Variants in ZNF808 observed in about 807,000 individuals in gnomAD.
ZNF808 encodes zinc finger protein 808.
Under a neutral mutation model 8.7 loss-of-function variants are expected in ZNF808, and 5 were observed. That is an observed-to-expected ratio of 0.58 (90% CI 0.30 to 1.21). The LOEUF is 1.21. Among genes scored for constraint, ZNF808 ranks in the 50% most tolerant of loss-of-function variants. ZNF808 has a pLI of 0.07. For missense variants in ZNF808, 1,103 were observed against 1,098.4 expected (o/e 1.00, Z -0.06); for synonymous variants, 380 against 366.0 (o/e 1.04, Z -0.44).
In ZNF808 at chr19:52,550,417, A is replaced by G. The variant is rs150619784; in HGVS notation, c.191-2690A>G. On this transcript the variant is annotated intron_variant, in intron 4 of 4. Coordinates refer to ENST00000359798, the MANE Select transcript of ZNF808 (RefSeq NM_001039886.4). ...GCCTAATTTTGTATTTTTAGTACAG[A>G]TGGGGTTTCCCCATGTTGGCTAGGC... 3.8e-3 allele frequency among the ~76,000 whole-genome samples: 580 copies of G among 152,152 alleles called. 4 individuals are homozygous for G. Among genetic ancestry groups the G allele is most frequent in the African/African-American group, 0.013 (551 of 41,504 alleles).
At chr19:52,560,589 TAAGAGA>T (rs1459601884), downstream of ZNF808, among the ~76,000 whole-genome samples, 1 of 152,182 alleles carries the variant, frequency 6.6e-6, no homozygotes, top group African/African-American at 2.4e-5. Context: ...CCATTTTACC[TAAGAGA>T]TGTAAAACTG....
At chr19:52,565,051 A>G (rs1221815530), downstream of ZNF808, among the ~76,000 whole-genome samples, 2 of 152,166 alleles carry the variant, frequency 1.3e-5, no homozygotes, top group Non-Finnish European at 2.9e-5. Flanking sequence ...GCACCACTGC[A>G]CTCTGGCCTG....
At chr19:52,548,094 G>A (rs990656771) in intron 4 of ZNF808, among the ~76,000 whole-genome samples, 3 of 152,166 alleles carry the variant, frequency 2.0e-5, no homozygotes, top group East Asian at 1.9e-4. Context: ...CTGTGACAAC[G>A]TTCATCCCAT....
At chr19:52,559,422 A>G (rs2059849457), downstream of ZNF808, among the ~76,000 whole-genome samples, 1 of 151,952 alleles carries the variant, frequency 6.6e-6, no homozygotes, top group Non-Finnish European at 1.5e-5. Context: ...CCCTCTCTCC[A>G]CTATTACCTT....
intron 4 of ZNF808, among the ~76,000 whole-genome samples, chr19:52,548,566 G>C (rs2059745295): frequency 2.0e-5 from 3 of 152,058 alleles, no homozygotes; most frequent in Admixed American, 2.0e-4. Context: ...GGGATTACAG[G>C]CATGTGTCAC....
In ZNF808 at chr19:52,543,177, C is replaced by T; in HGVS notation, c.-19-89C>T. The T allele has an allele frequency of 4.3e-6, 6 of 1,381,572 alleles. No homozygotes were observed. The Admixed American group carries it at 1.2e-4, about 27-fold the overall frequency. The allele number at this position is 1,381,572 out of a possible 1,614,324, so 85.6% of individuals were successfully genotyped here. On this transcript the variant is annotated intron_variant, in intron 2 of 4. Transcript: ENST00000359798. ...GTGGGCAGTGGGGGACTTCTTTCTA[C>T]AGGGTGACATCTCCCGGTTCATGTG...
rs756121264 is a variant in ZNF808 at position 52,554,163 on chromosome 19, G to A, written c.1247G>A (p.Arg416His). Reference protein sequence around the residue: ...KAFNHQSSLARHHILHTGEKP... With the variant: ...KAFNHQSSLAHHHILHTGEKP... Reference sequence around the variant, plus strand: ...TTTAATCATCAATCAAGCCTTGCACGTCATCATATACTTCATACTGGAGAG... The same window carrying A: ...TTTAATCATCAATCAAGCCTTGCACATCATCATATACTTCATACTGGAGAG... Residue 416 changes from arginine to histidine, a missense_variant, in exon 5 of 5, where the codon CGT (arginine) becomes CAT (histidine). By Grantham distance (29) the Arg-to-His change is conservative (BLOSUM62 0). Transcript: ENST00000359798. 9.9e-6 allele frequency: 16 copies of A among 1,613,934 alleles called. No individual in the cohort carries two copies. The highest frequency in any genetic ancestry group is 5.3e-5 in the African/African-American group (4 of 74,880).
downstream of ZNF808, among the ~76,000 whole-genome samples, chr19:52,567,306 G>A (rs1600057173): frequency 4.6e-5 from 7 of 151,942 alleles, no homozygotes; most frequent in South Asian, 1.5e-3. Context: ...TCAGCCCACT[G>A]GCAGGTAGAC....
At chr19:52,567,275 G>A (rs561285430), downstream of ZNF808, among the ~76,000 whole-genome samples, 1 of 152,026 alleles carries the variant, frequency 6.6e-6, no homozygotes, top group Non-Finnish European at 1.5e-5. Flanking sequence ...AATCAACAAA[G>A]TAATAAGTTT....
In ZNF808 at chr19:52,542,879, A is replaced by G. The variant is rs538227994; in HGVS notation, c.-19-387A>G. ...GCTGGAGTGCAGTGGCACGATCTCG[A>G]CTCACTGCAACCTCTGCCTCCTGGG... On this transcript the variant is annotated intron_variant, in intron 2 of 4. Coordinates refer to ENST00000359798, the MANE Select transcript of ZNF808 (RefSeq NM_001039886.4). Among the ~76,000 whole-genome samples the G allele has an allele frequency of 3.3e-4, 49 of 149,712 alleles. No individual in the cohort carries two copies. In the East Asian group the frequency reaches 8.3e-3, roughly 25 times the overall value.
rs377338426 is a variant in ZNF808 at position 52,555,606 on chromosome 19, A to C, written c.2690A>C (p.His897Pro). 1.9e-6 allele frequency: 3 copies of C among 1,605,068 alleles called. No individual in the cohort carries two copies. Among genetic ancestry groups the C allele is most frequent in the Non-Finnish European group, 2.6e-6 (3 of 1,175,800 alleles). ...RSTLIHHQAI[H>P]GIGKFD ...ACACTTATTCACCATCAGGCAATTC[A>C]TGGTATAGGGAAATTTGATTAATAT... The change falls in exon 5 of 5, where the codon CAT becomes CCT. Residue 897 changes from histidine to proline, a missense_variant. By Grantham distance (77) the His-to-Pro change is moderately conservative (BLOSUM62 -2). Coordinates refer to ENST00000359798, the MANE Select transcript of ZNF808 (RefSeq NM_001039886.4).
downstream of ZNF808, among the ~76,000 whole-genome samples, chr19:52,560,931 A>G (rs532186846): frequency 9.9e-5 from 15 of 152,048 alleles, no homozygotes; most frequent in East Asian, 2.9e-3. Context: ...TGAACACCCC[A>G]ATTTCCCCAT....
chr19:52,564,911 C>T (rs903928124), downstream of ZNF808, among the ~76,000 whole-genome samples: 17 of 152,020 alleles, frequency 1.1e-4, no homozygotes, highest in Non-Finnish European at 1.9e-4. Flanking sequence ...ACGGTGAAAC[C>T]CCGTCTCTAC....
chr19:52,542,611 A>ATT (rs2059682403), intron 2 of ZNF808, among the ~76,000 whole-genome samples: 3 of 151,806 alleles, frequency 2.0e-5, no homozygotes, highest in African/African-American at 2.4e-5. Context: ...TAGAGAGTTT[A>ATT]GTTTGCCCAA....
At chr19:52,565,026 C>G (rs1216950944), downstream of ZNF808, among the ~76,000 whole-genome samples, 1 of 152,122 alleles carries the variant, frequency 6.6e-6, no homozygotes, top group African/African-American at 2.4e-5. Context: ...GCAGATCTTG[C>G]AGTGAGCCGA....
At chr19:52,546,860 T>G (rs1159221726) in intron 3 of ZNF808, among the ~76,000 whole-genome samples, 5 of 151,734 alleles carry the variant, frequency 3.3e-5, no homozygotes, top group Non-Finnish European at 5.9e-5. Context: ...GCCAGGAAGG[T>G]CTTGATATCT....
At chr19:52,552,571 C>T (rs1220616558) in intron 4 of ZNF808, among the ~76,000 whole-genome samples, 5 of 151,866 alleles carry the variant, frequency 3.3e-5, no homozygotes, top group Non-Finnish European at 7.4e-5. Context: ...GACCATCACA[C>T]CTGGCTAATT....
downstream of ZNF808, among the ~76,000 whole-genome samples, chr19:52,567,821 G>C (rs914656227): frequency 7.9e-5 from 12 of 151,974 alleles, no homozygotes; most frequent in Non-Finnish European, 1.5e-4. Context: ...CACCGCGCCC[G>C]GCCTGAAGTA....
downstream of ZNF808, among the ~76,000 whole-genome samples, chr19:52,557,046 C>T (rs1319399444): frequency 6.6e-6 from 1 of 152,126 alleles, no homozygotes; most frequent in Non-Finnish European, 1.5e-5. Context: ...GATCTCAGCT[C>T]TGCAACCTCT....
Sources: allele counts gnomAD v4.1 joint callset (sites outside exome capture counted in the v4.1 genomes callset), GRCh38; gene constraint gnomAD v4.1.1; transcripts MANE v1.5; gene names NCBI Gene and HGNC (gene_info 2026-07-23, HGNC 2026-07-21).